Variants in PAWR observed in about 807,000 individuals in gnomAD.
PAWR encodes the protein pro-apoptotic WT1 regulator.
PAWR carries 23 observed loss-of-function variants against 32.0 expected under a neutral mutation model. The ratio of observed to expected loss-of-function variants is 0.72; its 90% confidence interval spans 0.52 to 1.02. The LOEUF is 1.02. Ranked by LOEUF, PAWR falls within the 50% of genes least tolerant of loss-of-function variation. PAWR has a pLI of 0.00. For missense variants in PAWR, 457 were observed against 437.7 expected (o/e 1.04, Z -0.39); for synonymous variants, 226 against 187.1 (o/e 1.21, Z -1.70).
chr12:79,618,861 A>G (rs1874870217), intron 3 of PAWR, among the ~76,000 whole-genome samples: 1 of 152,120 alleles, frequency 6.6e-6, no homozygotes. Context: ...AAACAACTAT[A>G]TAATTATTTG....
Position 79,596,634 on chromosome 12 carries a change from A to T in PAWR, c.708T>A (p.Asp236Glu). 6.3e-7 allele frequency: 1 copy of T among 1,598,876 alleles called. No individual in the cohort carries two copies. The highest frequency in any genetic ancestry group is 8.5e-7 in the Non-Finnish European group (1 of 1,171,666). The change falls in exon 5 of 7, where the codon GAT (aspartate) becomes GAA (glutamate). Residue 236 changes from aspartate to glutamate, a missense_variant. Asp to Glu is a conservative substitution (Grantham distance 45). Transcript: ENST00000328827. ...YKSTTSVSEE[D>E]VSSRYSRTDR... is the part of the protein sequence containing the mutation. ...CTGTTCGAGAATATCTACTTGAGACATCTTCTTCAGAGACACTGGTTGTGC... is the reference window on the plus strand; with the variant it reads ...CTGTTCGAGAATATCTACTTGAGACTTCTTCTTCAGAGACACTGGTTGTGC...
chr12:79,677,233 A>C (rs1004827774), intron 2 of PAWR, among the ~76,000 whole-genome samples: 3 of 152,214 alleles, frequency 2.0e-5, no homozygotes, highest in Non-Finnish European at 4.4e-5. Context: ...CACATCTGTG[A>C]TGTTTGTAAA....
At chr12:79,592,822 A>C (rs924359746) in intron 6 of PAWR, 129 bp from the exon 7 acceptor site, 1 of 535,928 alleles carries the variant, frequency 1.9e-6, no homozygotes, top group African/African-American at 2.0e-5. Context: ...TCTGAAAACA[A>C]CTTTAGATGT....
rs143182741 is a variant in PAWR at position 79,585,414 on chromosome 12, G to T, written c.*7193C>A. 645 of 199,790 alleles carry T rather than the reference G, an allele frequency of 3.2e-3. 10 individuals carry two copies. Among genetic ancestry groups the T allele is most frequent in the African/African-American group, 0.014 (600 of 42,204 alleles). The allele number at this position is 199,790 out of a possible 1,614,324, so 12.4% of individuals were successfully genotyped here. ...AGTGAAGTCAATGCTACTGGTGTCA[G>T]AAACACACTTTAAGAACCACTGGCA... On this transcript the variant is annotated 3_prime_UTR_variant, in exon 7 of 7. Transcript: ENST00000328827.
rs766399216 is a variant in PAWR at position 79,690,088 on chromosome 12, G to C, written c.157C>G (p.Pro53Ala). Residue 53 changes from proline (P) to alanine (A), a missense_variant, in exon 2 of 7, where the codon CCC becomes GCC. Transcript: ENST00000328827. ...GGGGTGCCCAGAGCCCCCGCGGGGG[G>C]CTTCCCAGCGGCGTCGCTGCTGCCC... is the stretch of plus-strand genomic sequence containing the variant. Reference protein sequence around the residue: ...GGGSSDAAGKPPAGALGTPAA... With the variant: ...GGGSSDAAGKAPAGALGTPAA... 2.1e-6 allele frequency: 3 copies of C among 1,439,974 alleles called. No homozygotes were observed. The highest frequency in any genetic ancestry group is 3.0e-5 in the African/African-American group (2 of 66,352). The allele number at this position is 1,439,974 out of a possible 1,614,324, so 89.2% of individuals were successfully genotyped here.
chr12:79,605,407 T>C (rs888074743), intron 4 of PAWR, among the ~76,000 whole-genome samples: 1 of 152,320 alleles, frequency 6.6e-6, no homozygotes, highest in Non-Finnish European at 1.5e-5. Context: ...GCTAAAATTA[T>C]ACATTCCTCA....
intron 2 of PAWR, among the ~76,000 whole-genome samples, chr12:79,659,141 C>CA (rs1173363161): frequency 6.6e-6 from 1 of 151,794 alleles, no homozygotes; most frequent in Non-Finnish European, 1.5e-5. Context: ...ACTAAAAGTA[C>CA]AAAAAACGAG....
intron 2 of PAWR, among the ~76,000 whole-genome samples, chr12:79,674,388 TAAAA>T (rs79442053): frequency 7.1e-6 from 1 of 140,338 alleles, no homozygotes; most frequent in Non-Finnish European, 1.6e-5. Context: ...TTTCACCAGA[TAAAA>T]AAAAAAAAAT....
In PAWR at chr12:79,632,936, C is replaced by A. The variant is rs553282275; in HGVS notation, c.517-11729G>T. Among the ~76,000 whole-genome samples the A allele has an allele frequency of 2.0e-5, 3 of 152,074 alleles. No homozygotes were observed. In the South Asian group the frequency reaches 6.2e-4, roughly 32 times the overall value. On this transcript the variant is annotated intron_variant, in intron 2 of 6. Coordinates refer to ENST00000328827, the MANE Select transcript of PAWR (RefSeq NM_002583.4). ...ATCACTTGAGGCCAGGAGTTCGAGACCAGCCTGGCCAACATGGTGAAACCC... is the reference window on the plus strand; with the variant it reads ...ATCACTTGAGGCCAGGAGTTCGAGAACAGCCTGGCCAACATGGTGAAACCC...
chr12:79,613,836 A>G (rs1874549172), intron 3 of PAWR, among the ~76,000 whole-genome samples: 1 of 147,488 alleles, frequency 6.8e-6, no homozygotes, highest in Non-Finnish European at 1.5e-5. Flanking sequence ...GAAGTATTTT[A>G]AAAACTCAGA....
intron 4 of PAWR, among the ~76,000 whole-genome samples, chr12:79,612,857 C>A (rs769702715): frequency 6.6e-6 from 1 of 152,174 alleles, no homozygotes; most frequent in Non-Finnish European, 1.5e-5. Flanking sequence ...TCTTCCTATA[C>A]ATATACATAC....
chr12:79,602,879 G>C (rs768116079), intron 4 of PAWR, among the ~76,000 whole-genome samples: 10 of 150,622 alleles, frequency 6.6e-5, no homozygotes, highest in Non-Finnish European at 1.0e-4. Flanking sequence ...GATAATAAGT[G>C]AAGTCATCGG....
At chr12:79,640,589 A>C (rs1876273122) in intron 2 of PAWR, among the ~76,000 whole-genome samples, 1 of 152,008 alleles carries the variant, frequency 6.6e-6, no homozygotes, top group African/African-American at 2.4e-5. Context: ...AAAAATACCA[A>C]AATTAGCCGG....
intron 4 of PAWR, among the ~76,000 whole-genome samples, chr12:79,611,173 A>T (rs1874419555): frequency 1.4e-5 from 2 of 146,626 alleles, no homozygotes; most frequent in Admixed American, 6.9e-5. Context: ...AATCTTATAG[A>T]TATTTATATA....
intron 5 of PAWR, 41 bp downstream of exon 5, chr12:79,596,470 T>C (rs748203602): frequency 3.1e-6 from 3 of 957,950 alleles, no homozygotes; most frequent in Non-Finnish European, 4.7e-6. Context: ...ATTCTAATGG[T>C]ATATTAATTT....
chr12:79,673,408 AAG>A (rs2062408679), intron 2 of PAWR, among the ~76,000 whole-genome samples: 1 of 152,226 alleles, frequency 6.6e-6, no homozygotes, highest in African/African-American at 2.4e-5. Context: ...TACCAATACA[AAG>A]AGAGAAAAGG....
intron 5 of PAWR, 147 bp downstream of exon 5, chr12:79,596,364 T>G (rs1873746016): frequency 1.9e-6 from 1 of 519,296 alleles, no homozygotes. Flanking sequence ...ACAAGGGCTT[T>G]TAATATACTA....
At chr12:79,597,874 T>C (rs753368999) in intron 4 of PAWR, 1 of 152,214 alleles carries the variant, frequency 6.6e-6, no homozygotes, top group Non-Finnish European at 1.5e-5. Context: ...CTTAGGTGGG[T>C]GATTATGATT....
chr12:79,653,164 C>T (rs1231785232), intron 2 of PAWR, among the ~76,000 whole-genome samples: 2 of 151,842 alleles, frequency 1.3e-5, no homozygotes, highest in Admixed American at 6.6e-5. Context: ...CTGCCTCAGC[C>T]TTCCAAGTTG....
Sources: allele counts gnomAD v4.1 joint callset (sites outside exome capture counted in the v4.1 genomes callset), GRCh38; gene constraint gnomAD v4.1.1; transcripts MANE v1.5; gene names NCBI Gene and HGNC (gene_info 2026-07-23, HGNC 2026-07-21).